The following ITIH4 variants were observed in gnomAD, a reference collection of about 807,000 sequenced individuals.
The protein encoded by ITIH4 is inter-alpha-trypsin inhibitor heavy chain H4.
In ITIH4, 79 loss-of-function variants were observed where a neutral mutation model predicts 111.8. The observed-to-expected ratio is 0.71, with a 90% CI of 0.59 to 0.85. The LOEUF (loss-of-function observed/expected upper bound fraction) is 0.85. Among genes scored for constraint, ITIH4 ranks in the 40% least tolerant of loss-of-function variants. The pLI, the probability that ITIH4 is intolerant of heterozygous loss-of-function variation, is 0.00. For synonymous variants in ITIH4, 472 were observed against 468.3 expected (o/e 1.01, Z -0.10); for missense variants, 1,065 against 1,195.8 (o/e 0.89, Z 1.61).
At chr3:52,819,366 C>A (rs1434297523) in intron 17 of ITIH4, 27 bp downstream of exon 17, 2 of 1,613,468 alleles carry the variant, frequency 1.2e-6, no homozygotes, top group Non-Finnish European at 1.7e-6. Context: ...GAAACCGAGG[C>A]CCTCGCAGGG....
At position 52,813,972 on chromosome 3, in the gene ITIH4, C is replaced by T. The variant is rs1051402649; in HGVS notation, c.2723+3G>A. 3 of 1,610,870 alleles carry T rather than the reference C, an allele frequency of 1.9e-6. No individual in the cohort carries two copies. Among genetic ancestry groups the T allele is most frequent in the South Asian group, 2.2e-5 (2 of 90,726 alleles). On this transcript the variant is annotated splice_donor_region_variant and intron_variant, in intron 23 of 23. Coordinates refer to ENST00000266041, the MANE Select transcript of ITIH4 (RefSeq NM_002218.5). ...GCTCAGCGGTCTGCTTGTGCCAAGT[C>T]ACCTGGTGGCAGAGTGGTCATTGCC...
chr3:52,817,402 T>C (rs1312665729), intron 20 of ITIH4, among the ~76,000 whole-genome samples: 1 of 152,170 alleles, frequency 6.6e-6, no homozygotes, highest in Non-Finnish European at 1.5e-5. Flanking sequence ...AAGGGTAAGA[T>C]GGAGAATTGG....
intron 17 of ITIH4, chr3:52,818,956 A>C: frequency 3.6e-6 from 1 of 278,800 alleles, no homozygotes; most frequent in Non-Finnish European, 6.8e-6. Flanking sequence ...AGAGAGAGGA[A>C]GCTGGCAAGG....
At chr3:52,813,599 G>C in intron 23 of ITIH4, 109 bp from the exon 24 acceptor site, 2 of 963,412 alleles carry the variant, frequency 2.1e-6, no homozygotes, top group Non-Finnish European at 3.3e-6. Context: ...GAGTCCTGGC[G>C]TCCCTTTAGA....
At chr3:52,820,093 C>A (rs2154111336) in intron 14 of ITIH4, 103 bp from the exon 15 acceptor site, 1 of 1,361,868 alleles carries the variant, frequency 7.3e-7, no homozygotes, top group African/African-American at 1.4e-5. Flanking sequence ...GCCTGAGGCA[C>A]AGCCAATATT....
Position 52,818,395 on chromosome 3 carries a change from A to G in ITIH4, c.2152+67T>C. On this transcript the variant is annotated intron_variant, in intron 18 of 23. Coordinates refer to ENST00000266041, the MANE Select transcript of ITIH4 (RefSeq NM_002218.5). ...GTTCCCTCACTACTTCAACATCGAG[A>G]CATGTGACAGGTCACTCCCCTCCCA... The G allele has an allele frequency of 1.9e-6, 3 of 1,574,792 alleles. No homozygotes were observed. The South Asian group carries it at 3.4e-5, about 18-fold the overall frequency.
rs1218131449 is a variant in ITIH4, at chr3:52,814,204, A to G, written c.2626+5T>C. 3.1e-6 allele frequency: 5 copies of G among 1,612,604 alleles called. No individual in the cohort carries two copies. Among genetic ancestry groups the G allele is most frequent in the East Asian group, 4.5e-5 (2 of 44,868 alleles). ...AGGCCTGGGCCCCGGTAATGGGCTC[A>G]GTACCAAGGGTCCCTCCAACGTGGC... On this transcript the variant is annotated splice_donor_5th_base_variant and intron_variant, in intron 22 of 23. Coordinates refer to ENST00000266041, the MANE Select transcript of ITIH4 (RefSeq NM_002218.5).
chr3:52,823,358 G>T, intron 11 of ITIH4, 198 bp downstream of exon 11: 1 of 588,044 alleles, frequency 1.7e-6, no homozygotes, highest in Non-Finnish European at 3.0e-6. Flanking sequence ...TGCACAGACC[G>T]GCTGCCGAGA....
At position 52,824,077 on chromosome 3, in the gene ITIH4, C is replaced by T. The variant is rs1700441813; in HGVS notation, c.1172-73G>A. 6.4e-7 allele frequency: 1 copy of T among 1,555,812 alleles called. No individual in the cohort carries two copies. Among genetic ancestry groups the T allele is most frequent in the Admixed American group, 1.9e-5 (1 of 53,072 alleles). ...GAAGAATATTTCTGGAACCTCAGAG[C>T]CGAGGGGCCTCAGTGACCCCCTCTC... is the stretch of plus-strand genomic sequence containing the variant. On this transcript the variant is annotated intron_variant, in intron 9 of 23. Transcript: ENST00000266041. This position sits in a 1 kb window ranked among gnomAD's most constrained non-coding sequence, Gnocchi z 4.3.
At chr3:52,825,723 T>A (rs537917854) in intron 6 of ITIH4, among the ~76,000 whole-genome samples, 163 bp downstream of exon 6, 3 of 152,212 alleles carry the variant, frequency 2.0e-5, no homozygotes, top group Non-Finnish European at 4.4e-5. Context: ...GGGAATAGTT[T>A]CAGGGACAAC....
Position 52,824,624 on chromosome 3 carries a change from C to A in ITIH4, c.877-59G>T. 2 of 1,536,372 alleles carry A rather than the reference C, an allele frequency of 1.3e-6. No individual in the cohort carries two copies. The highest frequency in any genetic ancestry group is 1.4e-5 in the African/African-American group (1 of 73,246). On this transcript the variant is annotated intron_variant, in intron 7 of 23. Transcript: ENST00000266041. This position sits in a 1 kb window ranked among gnomAD's most constrained non-coding sequence, Gnocchi z 4.3. The stretch of plus-strand genomic sequence containing the variant: ...AGGGCTCCCTGAGGGCTCGTGTGCC[C>A]TAGGGCTGGCATCCTTGGACTCCTG...
chr3:52,813,558 G>T, intron 23 of ITIH4, 68 bp from the exon 24 acceptor site: 1 of 1,335,380 alleles, frequency 7.5e-7, no homozygotes, highest in Non-Finnish European at 1.1e-6. Flanking sequence ...AAAAGAGGGA[G>T]ACAGCTGGGG....
rs780161145 is a variant in ITIH4 at position 52,819,485 on chromosome 3, G to A, written c.1985C>T (p.Pro662Leu). ...AAGTTGCCTGGAGCTGAGAACCCCA[G>A]GTCTGAAATTCATCCGGGAGCCAGC... ...GAAGSRMNFR[P>L]GVLSSRQLGL... Residue 662 changes from proline (P) to leucine (L), a missense_variant, in exon 17 of 24, where the codon CCT (proline) becomes CTT (leucine). Physicochemically the swap from Pro to Leu is moderately conservative, Grantham distance 98. Coordinates refer to ENST00000266041, the MANE Select transcript of ITIH4 (RefSeq NM_002218.5). The A allele has an allele frequency of 6.2e-7, 1 of 1,614,124 alleles. No homozygotes were observed. Among genetic ancestry groups the A allele is most frequent in the East Asian group, 2.2e-5 (1 of 44,870 alleles).
At position 52,826,011 on chromosome 3, in the gene ITIH4, G is replaced by A; in HGVS notation, c.634C>T (p.His212Tyr). The A allele has an allele frequency of 6.2e-7, 1 of 1,614,110 alleles. No individual in the cohort carries two copies. Among genetic ancestry groups the A allele is most frequent in the Non-Finnish European group, 8.5e-7 (1 of 1,179,970 alleles). The change falls in exon 6 of 24, where the codon CAC (histidine) becomes TAC (tyrosine). Residue 212 changes from histidine (H) to tyrosine (Y), a missense_variant. Physicochemically the swap from His to Tyr is moderately conservative, Grantham distance 83. Transcript: ENST00000266041. ...LTTWQNKTKA[H>Y]IRFKPTLSQQ... ...GAAAGTGTTGGCTTGAACCGGATGT[G>A]AGCCTGGAGGAATAATCCGGGCTGA...
intron 17 of ITIH4, 85 bp downstream of exon 17, chr3:52,819,294 GGCCCTGTGGTGCGT>G: frequency 7.2e-7 from 1 of 1,391,766 alleles, no homozygotes; most frequent in South Asian, 1.3e-5. Context: ...TCCCTGGCCT[GGCCCTGTGGTGCGT>G]GCTTTACCCC....
chr3:52,813,301 T>C lies in ITIH4; in HGVS notation c.*120A>G, dbSNP rs925290387. ...ACCCACTTCCCAGGCTCACACCACC[T>C]TTCTTTATTTGTAATGAGTGGGACT... On this transcript the variant is annotated 3_prime_UTR_variant, in exon 24 of 24. Coordinates refer to ENST00000266041, the MANE Select transcript of ITIH4 (RefSeq NM_002218.5). 2 of 915,674 alleles carry C rather than the reference T, an allele frequency of 2.2e-6. No homozygotes were observed. Among genetic ancestry groups the C allele is most frequent in the South Asian group, 1.4e-5 (1 of 70,236 alleles). 56.7% of individuals were successfully genotyped at this position (915,674 alleles called of 1,614,324 possible).
At chr3:52,830,351 T>C (rs1317056930) in intron 1 of ITIH4, 2 of 673,918 alleles carry the variant, frequency 3.0e-6, no homozygotes, top group African/African-American at 1.8e-5. Flanking sequence ...ATGGAAATGA[T>C]TGGATCATCC....
At position 52,820,783 on chromosome 3, in the gene ITIH4, A is replaced by G. The variant is rs952545002; in HGVS notation, c.1682T>C (p.Val561Ala). 7.5e-6 allele frequency: 12 copies of G among 1,610,254 alleles called. No homozygotes were observed. Among genetic ancestry groups the G allele is most frequent in the African/African-American group, 1.3e-5 (1 of 74,808 alleles). Reference sequence around the variant, plus strand: ...CTGCTGATCAGCATCGGATGCGGAGACACTGTAGGTGGAGCACATCAGAGC... The same window carrying G: ...CTGCTGATCAGCATCGGATGCGGAGGCACTGTAGGTGGAGCACATCAGAGC... ...LTIQQLLEQT[V>A]SASDADQQAL... The change falls in exon 13 of 24, where the codon GTC becomes GCC. Residue 561 changes from valine (V) to alanine (A), a missense_variant and splice_region_variant. Physicochemically the swap from Val to Ala is moderately conservative, Grantham distance 64 (BLOSUM62 0). Coordinates refer to ENST00000266041, the MANE Select transcript of ITIH4 (RefSeq NM_002218.5).
chr3:52,826,751 T>G, intron 4 of ITIH4, 40 bp downstream of exon 4: 1 of 1,613,094 alleles, frequency 6.2e-7, no homozygotes, highest in Non-Finnish European at 8.5e-7. Flanking sequence ...AGGGCAAGGG[T>G]CATGCAGGAG....
Sources: gnomAD v4.1 joint callset for allele counts (sites outside exome capture counted in the v4.1 genomes callset) on GRCh38, gnomAD v4.1.1 for gene constraint, Gnocchi (gnomAD v3.1) non-coding constraint, MANE v1.5 for transcripts, NCBI Gene and HGNC (gene_info 2026-07-23, HGNC 2026-07-21) for gene names.